PLXNC1: variants seen among roughly 807,000 people sequenced by gnomAD.
The protein encoded by PLXNC1 is plexin-C1.
Under a neutral mutation model 178.2 loss-of-function variants are expected in PLXNC1, and 75 were observed. That is an observed-to-expected ratio of 0.42 (90% CI 0.35 to 0.51). The LOEUF is 0.51. Among genes scored for constraint, PLXNC1 ranks in the 20% least tolerant of loss-of-function variants. The pLI is 0.02. For synonymous variants in PLXNC1, 790 were observed against 779.9 expected, an observed-to-expected ratio of 1.01 and a Z score of -0.22; for missense variants, 1,503 against 1,984.4, an observed-to-expected ratio of 0.76 and a Z score of 4.61.
Position 94,149,093 on chromosome 12 carries a change from G to GGTCGGAGCAAGCC in PLXNC1, c.123_135dup (p.Ile46ValfsTer146). Reference sequence around the variant, plus strand: ...CGGGGCGCGGACGAGCCCGTGTGGCGGTCGGAGCAAGCCATCGGAGCCATC... The same window carrying GGTCGGAGCAAGCC: ...CGGGGCGCGGACGAGCCCGTGTGGCGGTCGGAGCAAGCCGTCGGAGCAAGCCATCGGAGCCATC... On this transcript the variant is annotated frameshift_variant, in exon 1 of 31. Transcript: ENST00000258526. LOFTEE classifies it high-confidence loss of function. The GGTCGGAGCAAGCC allele has an allele frequency of 6.3e-7, 1 of 1,580,458 alleles. No homozygotes were observed. The highest frequency in any genetic ancestry group is 8.5e-7 in the Non-Finnish European group (1 of 1,169,914).
At chr12:94,300,400 G>A (rs1208461847) in intron 27 of PLXNC1, among the ~76,000 whole-genome samples, 1 of 152,160 alleles carries the variant, frequency 6.6e-6, no homozygotes, top group African/African-American at 2.4e-5. Flanking sequence ...CAAGTTGTGA[G>A]GCACGTGCTT....
At chr12:94,172,660 A>C (rs1961890442) in intron 2 of PLXNC1, among the ~76,000 whole-genome samples, 1 of 152,178 alleles carries the variant, frequency 6.6e-6, no homozygotes, top group African/African-American at 2.4e-5. Flanking sequence ...AGTGAGGGAA[A>C]ATGCTTACAT....
intron 22 of PLXNC1, chr12:94,282,037 T>C: frequency 2.6e-6 from 1 of 385,044 alleles, no homozygotes; most frequent in South Asian, 2.6e-5. Context: ...TAGTCGTCCC[T>C]CATAGAATGC....
At chr12:94,274,228 T>C (rs1817546) in intron 21 of PLXNC1, among the ~76,000 whole-genome samples, 32,839 of 146,380 alleles carry the variant, frequency 0.22, 3,813 homozygotes, top group Admixed American at 0.28. Flanking sequence ...GTCTCTGCTA[T>C]GTGGGAGGCT....
intron 21 of PLXNC1, among the ~76,000 whole-genome samples, chr12:94,276,658 A>G (rs1484869761): frequency 1.3e-5 from 2 of 152,216 alleles, no homozygotes; most frequent in Non-Finnish European, 2.9e-5. Context: ...GGATGGGAAT[A>G]ATAATCCAGG....
intron 22 of PLXNC1, among the ~76,000 whole-genome samples, chr12:94,281,009 T>A (rs1022494211): frequency 2.0e-5 from 3 of 152,184 alleles, no homozygotes; most frequent in Admixed American, 2.0e-4. Context: ...CTGGACGTGG[T>A]GGCTCACGCC....
intron 23 of PLXNC1, among the ~76,000 whole-genome samples, chr12:94,283,559 GTTTTATTA>G: frequency 6.6e-6 from 1 of 152,294 alleles, no homozygotes; most frequent in East Asian, 1.9e-4. Flanking sequence ...GGAGACGGGA[GTTTTATTA>G]TTACTCAAAT....
chr12:94,234,292 G>A (rs1964185275), intron 9 of PLXNC1, among the ~76,000 whole-genome samples: 1 of 152,044 alleles, frequency 6.6e-6, no homozygotes, highest in South Asian at 2.1e-4. Context: ...CTTCACAAAA[G>A]GTACTCTTAC....
chr12:94,176,740 T>A (rs1403268193), intron 2 of PLXNC1, among the ~76,000 whole-genome samples: 1 of 152,170 alleles, frequency 6.6e-6, no homozygotes, highest in Non-Finnish European at 1.5e-5. Flanking sequence ...ATAGTTTATA[T>A]CTGTCTACAG....
chr12:94,303,920 G>C, intron 29 of PLXNC1, 24 bp downstream of exon 29: 1 of 1,607,978 alleles, frequency 6.2e-7, no homozygotes, highest in Non-Finnish European at 8.5e-7. Context: ...GCAGAAATAA[G>C]CTTATATTTG....
At chr12:94,188,515 G>C (rs1962603617) in intron 4 of PLXNC1, among the ~76,000 whole-genome samples, 1 of 151,852 alleles carries the variant, frequency 6.6e-6, no homozygotes, top group Non-Finnish European at 1.5e-5. Context: ...GTAGAGATGG[G>C]GTTTCACCAT....
At chr12:94,268,588 CTTTTTTTT>C (rs61265662) in intron 21 of PLXNC1, among the ~76,000 whole-genome samples, 1 of 90,878 alleles carries the variant, frequency 1.1e-5, no homozygotes, top group African/African-American at 4.6e-5. Context: ...AGAATAAGAC[CTTTTTTTT>C]TTTTTTTTTT....
chr12:94,258,983 G>T (rs538547622), intron 17 of PLXNC1, among the ~76,000 whole-genome samples: 1 of 152,326 alleles, frequency 6.6e-6, no homozygotes, highest in Non-Finnish European at 1.5e-5. Flanking sequence ...TCTTTAGAAG[G>T]TAAATTGCTT....
intron 1 of PLXNC1, among the ~76,000 whole-genome samples, chr12:94,156,731 A>T (rs1961185471): frequency 6.9e-6 from 1 of 144,618 alleles, no homozygotes. Context: ...TTTTTTAAAC[A>T]GAGTCTCACC....
chr12:94,198,443 A>G (rs1398768575), intron 4 of PLXNC1, among the ~76,000 whole-genome samples: 1 of 152,092 alleles, frequency 6.6e-6, no homozygotes, highest in Non-Finnish European at 1.5e-5. Flanking sequence ...CCTGGCACAC[A>G]TTTGCCTATG....
At chr12:94,157,524 T>C (rs1032832368) in intron 1 of PLXNC1, among the ~76,000 whole-genome samples, 11 of 152,232 alleles carry the variant, frequency 7.2e-5, no homozygotes, top group African/African-American at 2.7e-4. Context: ...TTTTTCTTAG[T>C]TTTAATTTTC....
Position 94,306,663 on chromosome 12 carries a change from T to G in PLXNC1, c.*1378T>G, listed in dbSNP as rs1969051771. ...ATTTTTTCAAGTCAAATAACATTGA[T>G]CACATATTCCTTGAAATCATTTACC... On this transcript the variant is annotated 3_prime_UTR_variant, in exon 31 of 31. Transcript: ENST00000258526. 1.3e-5 allele frequency: 2 copies of G among 152,170 alleles called. No individual in the cohort carries two copies. Among genetic ancestry groups the G allele is most frequent in the African/African-American group, 2.4e-5 (1 of 41,460 alleles). The allele number at this position is 152,170 out of a possible 1,614,324, so 9.4% of individuals were successfully genotyped here. A position where few individuals can be genotyped will look rare whatever the true frequency, so the allele number is the denominator to read the frequency against.
At chr12:94,228,577 C>A (rs956131358) in intron 9 of PLXNC1, among the ~76,000 whole-genome samples, 1 of 152,104 alleles carries the variant, frequency 6.6e-6, no homozygotes, top group Non-Finnish European at 1.5e-5. Context: ...ATCTCTCCTT[C>A]CCCCCAGCCC....
intron 5 of PLXNC1, among the ~76,000 whole-genome samples, chr12:94,212,123 A>G (rs1963488854): frequency 6.6e-6 from 1 of 151,682 alleles, no homozygotes; most frequent in East Asian, 1.9e-4. Flanking sequence ...AAATACAAAA[A>G]ATTAGCCGGG....
Sources: gnomAD v4.1 joint callset for allele counts (sites outside exome capture counted in the v4.1 genomes callset) on GRCh38, gnomAD v4.1.1 for gene constraint, MANE v1.5 for transcripts, NCBI Gene and HGNC (gene_info 2026-07-23, HGNC 2026-07-21) for gene names.